C7orf33: variants seen among roughly 807,000 people sequenced by gnomAD.
The protein encoded by C7orf33 is chromosome 7 open reading frame 33, also known as uncharacterized protein C7orf33.
A neutral mutation model predicts 13.4 loss-of-function variants in C7orf33; 15 were observed. That is an observed-to-expected ratio of 1.12 (90% confidence interval 0.75 to 1.72). The LOEUF (loss-of-function observed/expected upper bound fraction) is 1.72, where lower values mean the gene tolerates loss of function less well. Ranked by LOEUF, C7orf33 falls within the 40% of genes most tolerant of loss-of-function variation. C7orf33 has a pLI of 0.00. For missense variants in C7orf33, 187 were observed against 220.3 expected (o/e 0.85, Z 0.96); for synonymous variants, 73 against 83.2 (o/e 0.88, Z 0.67).
chr7:148,595,597 GATATACATATTATATA>G (rs1174462435), intron 1 of C7orf33, among the ~76,000 whole-genome samples: 8 of 118,048 alleles, frequency 6.8e-5, no homozygotes, highest in African/African-American at 2.0e-4. Context: ...ATATTATATA[GATATACATATTATATA>G]TATTATATAT....
In C7orf33 at chr7:148,615,343, T is replaced by A. The variant is rs1327129341; in HGVS notation, c.476T>A (p.Val159Glu). 1.9e-6 allele frequency: 3 copies of A among 1,612,868 alleles called. No homozygotes were observed. Among genetic ancestry groups the A allele is most frequent in the African/African-American group, 2.7e-5 (2 of 75,014 alleles). ...SSYLNVRGHE[V>E]RKLQNSVEAT... ...CACATGTAGGTACGTGGGCATGAAGTAAGAAAGCTCCAGAATTCTGTTGAG... is the reference window on the plus strand; with the variant it reads ...CACATGTAGGTACGTGGGCATGAAGAAAGAAAGCTCCAGAATTCTGTTGAG... The change falls in exon 3 of 3, where the codon GTA becomes GAA. Residue 159 changes from valine (V) to glutamate (E), a missense_variant. Val to Glu is a moderately radical substitution (Grantham distance 121, BLOSUM62 -2). Transcript: ENST00000307003.
chr7:148,595,568 A>T (rs1439542969), intron 1 of C7orf33, among the ~76,000 whole-genome samples: 13 of 125,156 alleles, frequency 1.0e-4, no homozygotes, highest in South Asian at 4.5e-4. Flanking sequence ...TAGCTATATA[A>T]TATATATAAT....
rs561516387 is a variant in C7orf33 at position 148,603,828 on chromosome 7, G to A, written c.205-10214G>A. ...TCCCTCACTCACTCCATAGACACAT[G>A]TGTTAATGGCTGATCAAGAAAAATT... On this transcript the variant is annotated intron_variant, in intron 1 of 2. Transcript: ENST00000307003. 5.3e-5 allele frequency among the ~76,000 whole-genome samples: 8 copies of A among 152,268 alleles called. No homozygotes were observed. In the South Asian group the frequency reaches 1.7e-3, roughly 32 times the overall value.
intron 1 of C7orf33, among the ~76,000 whole-genome samples, chr7:148,595,227 T>C (rs978876823): frequency 6.9e-6 from 1 of 145,064 alleles, no homozygotes; most frequent in African/African-American, 2.5e-5. Context: ...CTATATTATA[T>C]GGATATATAT....
In C7orf33 at chr7:148,610,127, A is replaced by G. The variant is rs59583826; in HGVS notation, c.205-3915A>G. On this transcript the variant is annotated intron_variant, in intron 1 of 2. Coordinates refer to ENST00000307003, the MANE Select transcript of C7orf33 (RefSeq NM_145304.4). ...GAGTCATATGAGGTATCTGTAAACA[A>G]CAAGAAAAGGTAGAATCACTTTGTG... Among the ~76,000 whole-genome samples the G allele has an allele frequency of 5.6e-3, 851 of 152,340 alleles. 11 individuals are homozygous for G. Among genetic ancestry groups the G allele is most frequent in the African/African-American group, 0.019 (803 of 41,580 alleles).
intron 1 of C7orf33, among the ~76,000 whole-genome samples, chr7:148,613,268 T>C (rs73463433): frequency 3.4e-3 from 517 of 152,340 alleles, no homozygotes; most frequent in African/African-American, 0.012. Flanking sequence ...CTGTGCCTGA[T>C]TGATTTCACT....
At chr7:148,595,450 AT>A (rs1796321992) in intron 1 of C7orf33, among the ~76,000 whole-genome samples, 1 of 132,328 alleles carries the variant, frequency 7.6e-6, no homozygotes. Context: ...ATAGATATAT[AT>A]TATATAGCTA....
intron 1 of C7orf33, among the ~76,000 whole-genome samples, chr7:148,608,791 T>G (rs113729315): frequency 0.04 from 6,040 of 152,238 alleles, 313 homozygotes; most frequent in African/African-American, 0.12. Flanking sequence ...CACTCCAGTC[T>G]GGGCGACAGA....
intron 1 of C7orf33, among the ~76,000 whole-genome samples, chr7:148,596,590 A>G (rs1465955985): frequency 2.6e-5 from 4 of 152,190 alleles, no homozygotes; most frequent in Non-Finnish European, 5.9e-5. Context: ...GAAACCCCTG[A>G]TAAAACCCTC....
At chr7:148,594,835 C>G (rs1333171143) in intron 1 of C7orf33, among the ~76,000 whole-genome samples, 1 of 151,968 alleles carries the variant, frequency 6.6e-6, no homozygotes, top group Non-Finnish European at 1.5e-5. Flanking sequence ...GTCTTCTATT[C>G]AAAAGAAGGA....
At chr7:148,599,533 G>T (rs1796389686) in intron 1 of C7orf33, among the ~76,000 whole-genome samples, 1 of 148,326 alleles carries the variant, frequency 6.7e-6, no homozygotes, top group Admixed American at 6.7e-5. Flanking sequence ...GAGTGCAATG[G>T]CATGGTCTCA....
rs186699357 is a variant in C7orf33 at position 148,603,556 on chromosome 7, C to T, written c.205-10486C>T. ...AAGGTACTGTAGAGTGTGCAGGATC[C>T]GGGATGCAGCATTAGGACAGCACTG... On this transcript the variant is annotated intron_variant, in intron 1 of 2. Coordinates refer to ENST00000307003, the MANE Select transcript of C7orf33 (RefSeq NM_145304.4). Among the ~76,000 whole-genome samples the T allele has an allele frequency of 5.3e-5, 8 of 152,106 alleles. No homozygotes were observed. In the East Asian group the frequency reaches 9.7e-4, roughly 18 times the overall value.
intron 1 of C7orf33, among the ~76,000 whole-genome samples, chr7:148,611,322 C>G (rs542633645): frequency 6.6e-6 from 1 of 152,292 alleles, no homozygotes; most frequent in East Asian, 1.9e-4. Flanking sequence ...CCAAGCCCCC[C>G]ATCCTGTACC....
intron 1 of C7orf33, 68 bp downstream of exon 1, chr7:148,591,197 C>A: frequency 7.7e-7 from 1 of 1,293,536 alleles, no homozygotes; most frequent in Non-Finnish European, 1.1e-6. Context: ...AGAATTCATT[C>A]ACTCAATCCA....
chr7:148,593,708 C>A (rs1379911695), intron 1 of C7orf33, among the ~76,000 whole-genome samples: 1 of 152,066 alleles, frequency 6.6e-6, no homozygotes, highest in Non-Finnish European at 1.5e-5. Context: ...GAGCATGAAG[C>A]CAGGGTCGGG....
chr7:148,611,872 A>G (rs957142254), intron 1 of C7orf33, among the ~76,000 whole-genome samples: 2 of 152,208 alleles, frequency 1.3e-5, no homozygotes, highest in Non-Finnish European at 1.5e-5. Flanking sequence ...GCCAGTCTGC[A>G]TGCTCCCCCT....
Position 148,598,669 on chromosome 7 carries a change from C to T in C7orf33, c.204+7540C>T, listed in dbSNP as rs543608372. On this transcript the variant is annotated intron_variant, in intron 1 of 2. Transcript: ENST00000307003. ...CCCTCTCTCTCTCTATATATATATA[C>T]ACACACACACACATACCTATATATA... Among the ~76,000 whole-genome samples, 82 of 137,258 alleles carry T rather than the reference C, an allele frequency of 6.0e-4. 1 individual carries two copies. Among genetic ancestry groups the T allele is most frequent in the Middle Eastern group, 4.0e-3 (1 of 252 alleles). The allele number at this position is 137,258 out of a possible 152,430, so 90.0% of individuals were successfully genotyped here. A position where few individuals can be genotyped will look rare whatever the true frequency, so the allele number is the denominator to read the frequency against.
Position 148,590,858 on chromosome 7 carries a change from C to A in C7orf33, c.-68C>A, listed in dbSNP as rs148970452. Reference sequence around the variant, plus strand: ...ACCCTGGGGATCCGTGCGACTTGATCTTAGATATTGGTGGTGAAGCGCCGC... The same window carrying A: ...ACCCTGGGGATCCGTGCGACTTGATATTAGATATTGGTGGTGAAGCGCCGC... On this transcript the variant is annotated 5_prime_UTR_variant, in exon 1 of 3. Transcript: ENST00000307003. 1.2e-4 allele frequency: 174 copies of A among 1,440,436 alleles called. 2 individuals carry two copies. In the East Asian group the frequency reaches 1.5e-3, roughly 12 times the overall value. 89.2% of individuals were successfully genotyped at this position (1,440,436 alleles called of 1,614,324 possible).
At chr7:148,613,564 C>A (rs1454023188) in intron 1 of C7orf33, among the ~76,000 whole-genome samples, 1 of 152,282 alleles carries the variant, frequency 6.6e-6, no homozygotes, top group East Asian at 1.9e-4. Flanking sequence ...AATTCAGTTA[C>A]AAAATACTAC....
Sources: gnomAD v4.1 joint callset for allele counts (sites outside exome capture counted in the v4.1 genomes callset) on GRCh38, gnomAD v4.1.1 for gene constraint, MANE v1.5 for transcripts, NCBI Gene and HGNC (gene_info 2026-07-23, HGNC 2026-07-21) for gene names.